The following PRKCE variants were observed in gnomAD, a reference collection of about 807,000 sequenced individuals.
The protein encoded by PRKCE is protein kinase C epsilon.
In PRKCE, 16 loss-of-function variants were observed where a neutral mutation model predicts 85.4. The observed-to-expected ratio is 0.19, with a 90% CI of 0.13 to 0.28. PRKCE has a LOEUF of 0.28. PRKCE is among the 10% of genes least tolerant of loss of function. The probability of loss-of-function intolerance (pLI) is 1.00; values close to 1 mark genes in which losing one functional copy is unlikely to be tolerated. For synonymous variants in PRKCE, 388 were observed against 371.5 expected, an observed-to-expected ratio of 1.04 and a Z score of -0.51; for missense variants, 573 against 975.2, an observed-to-expected ratio of 0.59 and a Z score of 5.49.
chr2:46,083,199 C>CCT (rs1484694816), intron 10 of PRKCE, among the ~76,000 whole-genome samples: 6 of 152,226 alleles, frequency 3.9e-5, no homozygotes, highest in Admixed American at 6.5e-5. Flanking sequence ...GATCTGCCTA[C>CCT]CTCAGTCTCC....
At chr2:45,854,534 G>C (rs541610188) in intron 2 of PRKCE, among the ~76,000 whole-genome samples, 1 of 152,326 alleles carries the variant, frequency 6.6e-6, no homozygotes, top group African/African-American at 2.4e-5. Context: ...TCTGTTCCTA[G>C]CTGCTACTAA....
At chr2:45,956,105 T>G (rs1700958504) in intron 2 of PRKCE, among the ~76,000 whole-genome samples, 1 of 152,232 alleles carries the variant, frequency 6.6e-6, no homozygotes, top group Admixed American at 6.5e-5. Context: ...TTTAGCATGG[T>G]GCATTTGAGA....
chr2:45,689,199 C>G (rs968085353), intron 1 of PRKCE, among the ~76,000 whole-genome samples: 1 of 152,122 alleles, frequency 6.6e-6, no homozygotes, highest in Non-Finnish European at 1.5e-5. Flanking sequence ...ATTTGACTTA[C>G]AAAAAAGTCT....
Position 45,921,569 on chromosome 2 carries a change from C to T in PRKCE, c.413-54860C>T, listed in dbSNP as rs562728916. Among the ~76,000 whole-genome samples, 5 of 152,320 alleles carry T rather than the reference C, an allele frequency of 3.3e-5. No individual in the cohort carries two copies. The East Asian group carries it at 9.6e-4, about 29-fold the overall frequency. ...AGTTACAGAGTCACTGGGTCACATG[C>T]TCAAGGTCCTAGCTGGTAAGTGGTA... is the stretch of plus-strand genomic sequence containing the variant. On this transcript the variant is annotated intron_variant, in intron 2 of 14. Coordinates refer to ENST00000306156, the MANE Select transcript of PRKCE (RefSeq NM_005400.3).
intron 2 of PRKCE, among the ~76,000 whole-genome samples, chr2:45,957,461 C>G (rs1701047095): frequency 6.7e-6 from 1 of 149,826 alleles, no homozygotes; most frequent in Admixed American, 6.5e-5. Flanking sequence ...TTCTGTTGAT[C>G]TATTTGCCTA....
At chr2:46,153,483 TGAG>T (rs1489888808) in intron 13 of PRKCE, among the ~76,000 whole-genome samples, 1 of 152,022 alleles carries the variant, frequency 6.6e-6, no homozygotes, top group African/African-American at 2.4e-5. Flanking sequence ...GCTCAGGAAA[TGAG>T]GAGCAACAGG....
At chr2:45,887,997 G>A (rs1028273311) in intron 2 of PRKCE, among the ~76,000 whole-genome samples, 23 of 152,308 alleles carry the variant, frequency 1.5e-4, no homozygotes, top group Admixed American at 1.5e-3. Context: ...AATGTATGCT[G>A]GAAGCCAATC....
intron 2 of PRKCE, among the ~76,000 whole-genome samples, chr2:45,920,347 G>C (rs1698159299): frequency 6.6e-6 from 1 of 152,190 alleles, no homozygotes; most frequent in Non-Finnish European, 1.5e-5. Flanking sequence ...CGCTTTGGAA[G>C]ACTCTCTGAC....
Position 45,741,137 on chromosome 2 carries a change from A to G in PRKCE, c.348+88689A>G, listed in dbSNP as rs1042237181. Reference sequence around the variant, plus strand: ...TTGAATGCTGGCTTCGGGGATCCCAAATGTGATTGCTTCTATCGGTGCCTG... The same window carrying G: ...TTGAATGCTGGCTTCGGGGATCCCAGATGTGATTGCTTCTATCGGTGCCTG... On this transcript the variant is annotated intron_variant, in intron 1 of 14. Coordinates refer to ENST00000306156, the MANE Select transcript of PRKCE (RefSeq NM_005400.3). 2.6e-5 allele frequency among the ~76,000 whole-genome samples: 4 copies of G among 152,290 alleles called. No homozygotes were observed. The South Asian group carries it at 8.3e-4, about 32-fold the overall frequency.
chr2:45,764,809 C>CTA (rs1218406294), intron 1 of PRKCE, among the ~76,000 whole-genome samples: 1 of 152,092 alleles, frequency 6.6e-6, no homozygotes, highest in South Asian at 2.1e-4. Flanking sequence ...ATGAATTAGA[C>CTA]TATATATATA....
At chr2:45,954,713 C>A (rs992697749) in intron 2 of PRKCE, among the ~76,000 whole-genome samples, 2 of 152,158 alleles carry the variant, frequency 1.3e-5, no homozygotes, top group Non-Finnish European at 2.9e-5. Flanking sequence ...TACAAGGAAA[C>A]AATTACTGTC....
intron 1 of PRKCE, among the ~76,000 whole-genome samples, chr2:45,748,224 C>A (rs892092603): frequency 6.6e-6 from 1 of 152,190 alleles, no homozygotes; most frequent in Non-Finnish European, 1.5e-5. Context: ...TCATGCAAAG[C>A]GCACAACTAC....
intron 2 of PRKCE, among the ~76,000 whole-genome samples, chr2:45,846,006 A>G (rs1691758777): frequency 6.6e-6 from 1 of 152,312 alleles, no homozygotes; most frequent in Non-Finnish European, 1.5e-5. Context: ...GGTGCTAGGC[A>G]CTTTACCTAC....
At chr2:45,729,922 C>T (rs188722398) in intron 1 of PRKCE, among the ~76,000 whole-genome samples, 1 of 152,134 alleles carries the variant, frequency 6.6e-6, no homozygotes, top group African/African-American at 2.4e-5. Context: ...AGGAACAGAT[C>T]AGCATGGAGG....
intron 2 of PRKCE, among the ~76,000 whole-genome samples, chr2:45,920,378 G>A (rs538691911): frequency 1.1e-4 from 17 of 152,260 alleles, no homozygotes; most frequent in Admixed American, 9.2e-4. Flanking sequence ...ACGATTAAAC[G>A]TGGTTGCCAT....
intron 1 of PRKCE, among the ~76,000 whole-genome samples, chr2:45,816,833 G>A (rs1472381439): frequency 6.6e-6 from 1 of 152,106 alleles, no homozygotes; most frequent in Non-Finnish European, 1.5e-5. Flanking sequence ...AGGTGAGCTG[G>A]CCCTAGGTGT....
At chr2:46,142,591 AGCT>A (rs1239465827) in intron 11 of PRKCE, among the ~76,000 whole-genome samples, 1 of 152,240 alleles carries the variant, frequency 6.6e-6, no homozygotes, top group African/African-American at 2.4e-5. Flanking sequence ...AGCCAAGGGC[AGCT>A]GCTGCATGCT....
At chr2:45,658,114 T>C (rs1268777056) in intron 1 of PRKCE, among the ~76,000 whole-genome samples, 1 of 152,088 alleles carries the variant, frequency 6.6e-6, no homozygotes, top group African/African-American at 2.4e-5. Flanking sequence ...ACTAAGGGGG[T>C]AAGGAGGTAG....
chr2:45,722,573 C>G (rs1346442110), intron 1 of PRKCE, among the ~76,000 whole-genome samples: 1 of 152,170 alleles, frequency 6.6e-6, no homozygotes, highest in Non-Finnish European at 1.5e-5. Flanking sequence ...CTTGGATCTC[C>G]CTTCGGAAAT....
Sources: gnomAD v4.1 joint callset for allele counts (sites outside exome capture counted in the v4.1 genomes callset) on GRCh38, gnomAD v4.1.1 for gene constraint, MANE v1.5 for transcripts, NCBI Gene and HGNC (gene_info 2026-07-23, HGNC 2026-07-21) for gene names.